The following ARHGAP4 variants were observed in gnomAD, a reference collection of about 807,000 sequenced individuals.
ARHGAP4 encodes the protein Rho GTPase activating protein 4.
ARHGAP4 carries 25 observed loss-of-function variants against 67.6 expected under a neutral mutation model. The observed-to-expected ratio is 0.37, with a 90% confidence interval of 0.27 to 0.52. The LOEUF is 0.52. ARHGAP4 is among the 20% of genes least tolerant of loss of function. The pLI is 0.92. For synonymous variants in ARHGAP4, 448 were observed against 373.7 expected (o/e 1.20, Z -2.29); for missense variants, 804 against 854.6 (o/e 0.94, Z 0.74).
intron 1 of ARHGAP4, among the ~76,000 whole-genome samples, chrX:153,923,924 C>T (rs1222923379): frequency 2.7e-5 from 3 of 110,791 alleles, no homozygotes; most frequent in African/African-American, 9.9e-5. Context: ...ACTACAGGGG[C>T]GCACCACCAC....
chrX:153,910,269 C>A lies in ARHGAP4; in HGVS notation c.2058G>T (p.Thr686=). The A allele has an allele frequency of 1.7e-6, 2 of 1,210,276 alleles. No homozygotes were observed. Among genetic ancestry groups the A allele is most frequent in the Non-Finnish European group, 2.2e-6 (2 of 895,076 alleles). ...AGACCCGATCGGGCTGCACTATGAG[C>A]GTCTGCACCAGCTGGTTCACCCGGC... is the stretch of plus-strand genomic sequence containing the variant. ...LQGRVNQLVQ[T]LIVQPDRVFP... is the part of the protein sequence containing the mutation. Residue 686 remains threonine, a synonymous_variant, in exon 17 of 22, where the codon ACG becomes ACT. Transcript: ENST00000350060.
In ARHGAP4 at chrX:153,913,248, G is replaced by A. The variant is rs1331782492; in HGVS notation, c.1381C>T (p.His461Tyr). ...TGAAGGGCCTCCTGCAGCTTCTCGT[G>A]CTTGGCCTGCAGCTTGGCGAGGATG... ...RSILAKLQAKHEKLQEALQRG... is the reference protein window; with the variant it reads ...RSILAKLQAKYEKLQEALQRG... Residue 461 changes from histidine to tyrosine, a missense_variant, in exon 10 of 22, where the codon CAC becomes TAC. His to Tyr is a moderately conservative substitution (Grantham distance 83, BLOSUM62 2). Transcript: ENST00000350060. 2.6e-6 allele frequency: 3 copies of A among 1,169,121 alleles called. No homozygotes were observed. In the African/African-American group the frequency reaches 5.3e-5, roughly 21 times the overall value.
At chrX:153,909,415 G>GA in intron 20 of ARHGAP4, 28 bp downstream of exon 20, 1 of 1,162,646 alleles carries the variant, frequency 8.6e-7, no homozygotes, top group Non-Finnish European at 1.2e-6. Context: ...CACACGTGTG[G>GA]CCCCCTGAGC....
intron 16 of ARHGAP4, 45 bp from the exon 17 acceptor site, chrX:153,910,449 T>TCC: frequency 8.8e-7 from 1 of 1,137,246 alleles, no homozygotes; most frequent in Admixed American, 2.4e-5. Flanking sequence ...GCACCCCGAG[T>TCC]CCCCCTGTCC....
intron 1 of ARHGAP4, 116 bp from the exon 2 acceptor site, chrX:153,921,925 C>T: frequency 1.1e-6 from 1 of 918,293 alleles, no homozygotes; most frequent in Non-Finnish European, 1.5e-6. Context: ...GCTCTGAGGG[C>T]TCCTTCGGAC....
At chrX:153,912,918 G>T in intron 11 of ARHGAP4, 106 bp downstream of exon 11, 1 of 1,120,237 alleles carries the variant, frequency 8.9e-7, no homozygotes, top group Non-Finnish European at 1.2e-6. Context: ...AATCCAGTGC[G>T]AAAACTGGGG....
At chrX:153,921,031 C>A in intron 4 of ARHGAP4, 66 bp downstream of exon 4, 1 of 1,138,867 alleles carries the variant, frequency 8.8e-7, no homozygotes. Context: ...CGGTGTTCCT[C>A]CCCCACTGTG....
chrX:153,917,510 C>T (rs2065063351), intron 7 of ARHGAP4, among the ~76,000 whole-genome samples: 1 of 112,033 alleles, frequency 8.9e-6, no homozygotes, highest in African/African-American at 3.2e-5. Flanking sequence ...AATCCCAGCA[C>T]TTTGGGAGGC....
At chrX:153,919,788 T>TTTAA in intron 5 of ARHGAP4, 8 of 855,078 alleles carry the variant, frequency 9.4e-6, no homozygotes, top group Admixed American at 5.4e-5. Flanking sequence ...TCTATTTTTT[T>TTTAA]TTTATTTTTT....
rs782615973 is a variant in ARHGAP4, at chrX:153,909,119, C to T, written c.2558G>A (p.Arg853Gln). ...TGGGGAGGCTGGGACCAAGCAGCGT[C>T]GTCTGTGTCCAGAGGGTCCCATGGC... ...PEAMGPSGHR[R>Q]RCLVPASPEQ... The change falls in exon 21 of 22, where the codon CGA becomes CAA. Residue 853 changes from arginine (R) to glutamine (Q), a missense_variant. By Grantham distance (43) the Arg-to-Gln change is conservative. Transcript: ENST00000350060. 2 of 1,211,522 alleles carry T rather than the reference C, an allele frequency of 1.7e-6. No individual in the cohort carries two copies. Among genetic ancestry groups the T allele is most frequent in the Admixed American group, 2.2e-5 (1 of 46,093 alleles).
At chrX:153,911,081 A>T (rs1557103176) in intron 13 of ARHGAP4, 48 bp downstream of exon 13, 4 of 1,161,750 alleles carry the variant, frequency 3.4e-6, no homozygotes, top group Admixed American at 5.2e-5. Flanking sequence ...GGTGCTGGGA[A>T]CTGGGTGCTG....
intron 12 of ARHGAP4, 143 bp downstream of exon 12, chrX:153,912,557 G>A (rs2065028399): frequency 1.2e-5 from 6 of 514,548 alleles, no homozygotes; most frequent in Non-Finnish European, 2.0e-5. Flanking sequence ...CCTGGAAGAG[G>A]CCCACCCAGA....
rs1857656098 is a variant in ARHGAP4, at chrX:153,913,481, G to A, written c.1254C>T (p.Ser418=). The part of the protein sequence containing the change: ...SPSTESLKST[S]SDPGSRQAGR... ...CCGCCTGCCGGCTGCCTGGGTCTGA[G>A]CTGGTGGACTTGAGGGACTCGGTGG... The change falls in exon 9 of 22, where the codon AGC becomes AGT. Residue 418 remains serine, a synonymous_variant. Transcript: ENST00000350060. 1.7e-6 allele frequency: 2 copies of A among 1,210,678 alleles called. No individual in the cohort carries two copies. Among genetic ancestry groups the A allele is most frequent in the African/African-American group, 1.7e-5 (1 of 57,429 alleles).
chrX:153,921,732 G>A lies in ARHGAP4; in HGVS notation c.145C>T (p.Leu49=), dbSNP rs201933843. ...GCGCGGCGCCGCATGAACTCTGCCA[G>A]CTCCTGCAGCAACTCCCGCCGCAGC... is the stretch of plus-strand genomic sequence containing the variant. The part of the protein sequence containing the change: ...GELRRELLQE[L]AEFMRRRAEV... Residue 49 remains leucine (L), a synonymous_variant, in exon 2 of 22, where the codon CTG becomes TTG. Coordinates refer to ENST00000350060, the MANE Select transcript of ARHGAP4 (RefSeq NM_001666.5). 3.9e-4 allele frequency: 467 copies of A among 1,200,607 alleles called. 4 individuals carry two copies. In the East Asian group the frequency reaches 0.013, roughly 33 times the overall value.
intron 7 of ARHGAP4, among the ~76,000 whole-genome samples, chrX:153,917,730 G>A (rs1031223563): frequency 8.9e-6 from 1 of 112,379 alleles, no homozygotes; most frequent in Non-Finnish European, 1.9e-5. Flanking sequence ...CAGCCGAGGG[G>A]ACAGAGTGAG....
Position 153,909,059 on chromosome X carries a change from C to A in ARHGAP4, c.2607+11G>T, listed in dbSNP as rs781859806. 1 of 1,208,343 alleles carries A rather than the reference C, an allele frequency of 8.3e-7. No homozygotes were observed. The highest frequency in any genetic ancestry group is 1.1e-6 in the Non-Finnish European group (1 of 892,653). ...ACAGATGTCCCTCACCTGCCACACA[C>A]CCACTCTCACCTTATCCACCTCCAC... On this transcript the variant is annotated intron_variant, in intron 21 of 21. Coordinates refer to ENST00000350060, the MANE Select transcript of ARHGAP4 (RefSeq NM_001666.5).
intron 5 of ARHGAP4, among the ~76,000 whole-genome samples, chrX:153,920,174 C>T (rs975834392): frequency 8.9e-6 from 1 of 112,346 alleles, no homozygotes; most frequent in Non-Finnish European, 1.9e-5. Context: ...CTGAGATGCT[C>T]GACTCCCTCC....
chrX:153,912,406 T>C (rs782792794), intron 12 of ARHGAP4, among the ~76,000 whole-genome samples: 7 of 111,954 alleles, frequency 6.3e-5, no homozygotes, highest in East Asian at 2.8e-4. Flanking sequence ...CCCAGTACCA[T>C]GCTGGCCAGA....
chrX:153,926,060 C>G, intron 1 of ARHGAP4, 76 bp downstream of exon 1: 2 of 1,150,353 alleles, frequency 1.7e-6, no homozygotes, highest in South Asian at 3.8e-5. Flanking sequence ...TGGGCCAGCG[C>G]GGGGACGCTT....
Sources: allele counts gnomAD v4.1 joint callset (sites outside exome capture counted in the v4.1 genomes callset), GRCh38; gene constraint gnomAD v4.1.1; transcripts MANE v1.5; gene names NCBI Gene and HGNC (gene_info 2026-07-23, HGNC 2026-07-21).